The following SLC44A2 variants were observed in gnomAD, a reference collection of about 807,000 sequenced individuals.
The protein encoded by SLC44A2 is solute carrier family 44 member 2 (CTL2 blood group), also known as choline transporter-like protein 2.
In SLC44A2, 57 loss-of-function variants were observed where a neutral mutation model predicts 90.8. The observed-to-expected ratio is 0.63, with a 90% CI of 0.51 to 0.78. SLC44A2 has a LOEUF of 0.78. SLC44A2 is among the 30% of genes least tolerant of loss of function. The probability of loss-of-function intolerance (pLI) is 0.00; values close to 1 mark genes in which losing one functional copy is unlikely to be tolerated. For synonymous variants in SLC44A2, 355 were observed against 360.7 expected (o/e 0.98, Z 0.18); for missense variants, 794 against 919.7 (o/e 0.86, Z 1.77).
chr19:10,631,199 T>C (rs372446297), intron 5 of SLC44A2, 58 bp downstream of exon 5: 28 of 1,603,954 alleles, frequency 1.7e-5, no homozygotes, highest in African/African-American at 4.0e-5. Context: ...CTTTTCCCCC[T>C]GTGAATGTGG....
At chr19:10,619,532 A>G (rs535857759) in intron 1 of SLC44A2, among the ~76,000 whole-genome samples, 2 of 151,474 alleles carry the variant, frequency 1.3e-5, no homozygotes, top group East Asian at 3.9e-4. Context: ...ATATTTTTGT[A>G]GAGACGAGGT....
chr19:10,631,910 CATATTTG>C lies in SLC44A2; in HGVS notation c.671_677del (p.Ile224LysfsTer12). 1.2e-6 allele frequency: 2 copies of C among 1,614,238 alleles called. No individual in the cohort carries two copies. The highest frequency in any genetic ancestry group is 8.5e-7 in the Non-Finnish European group (1 of 1,180,040). On this transcript the variant is annotated frameshift_variant, in exon 9 of 22. Transcript: ENST00000335757. LOFTEE classifies it high-confidence loss of function. ...TAGAGGCGCGGCAACTCGCCATGCG[CATATTTG>C]AAGATTACACCGTCTCTTGGTACTG...
chr19:10,606,663 G>A (rs1315017152), intron 1 of SLC44A2, among the ~76,000 whole-genome samples: 2 of 151,336 alleles, frequency 1.3e-5, no homozygotes. Context: ...ATACAAAAAT[G>A]TTCTTGGAAT....
rs375469547 is a variant in SLC44A2 at position 10,642,362 on chromosome 19, C to T, written c.1930-5C>T. On this transcript the variant is annotated splice_polypyrimidine_tract_variant and splice_region_variant and intron_variant, in intron 20 of 21. Coordinates refer to ENST00000335757, the MANE Select transcript of SLC44A2 (RefSeq NM_020428.4). Reference sequence around the variant, plus strand: ...AGCAGGGACAGCTCGTTTCTCCTTGCCCAGACGGTGATCGTTGGCTCCTAC... The same window carrying T: ...AGCAGGGACAGCTCGTTTCTCCTTGTCCAGACGGTGATCGTTGGCTCCTAC... The T allele has an allele frequency of 3.3e-4, 540 of 1,613,770 alleles. No individual in the cohort carries two copies. The highest frequency in any genetic ancestry group is 4.3e-4 in the Non-Finnish European group (509 of 1,179,884).
chr19:10,641,002 G>A (rs900559999), intron 20 of SLC44A2: 101 of 350,312 alleles, frequency 2.9e-4, no homozygotes, highest in Non-Finnish European at 1.8e-4. Flanking sequence ...TAAGAGAATC[G>A]CTTGAACCCG....
upstream of SLC44A2, among the ~76,000 whole-genome samples, chr19:10,621,276 C>T (rs557640193): frequency 1.3e-5 from 2 of 151,550 alleles, no homozygotes; most frequent in East Asian, 1.9e-4. Context: ...TACTTGAACC[C>T]GGGAGGTGGA....
Position 10,634,828 on chromosome 19 carries a change from T to C in SLC44A2, c.896T>C (p.Leu299Pro), listed in dbSNP as rs1052859979. The C allele has an allele frequency of 6.2e-7, 1 of 1,614,164 alleles. No homozygotes were observed. Among genetic ancestry groups the C allele is most frequent in the Non-Finnish European group, 8.5e-7 (1 of 1,180,036 alleles). ...GGCTCTGATGTCTCTTTGGTGGACC[T>C]CGGCTTTCAGACGGATTTCCGGGTG... is the stretch of plus-strand genomic sequence containing the variant. Reference protein sequence around the residue: ...EAGSDVSLVDLGFQTDFRVYL... With the variant: ...EAGSDVSLVDPGFQTDFRVYL... Residue 299 changes from leucine (L) to proline (P), a missense_variant, in exon 11 of 22, where the codon CTC becomes CCC. This residue lies in a region of SLC44A2 where 738 missense variants were observed against 841.1 expected (regional missense o/e 0.88). Transcript: ENST00000335757.
intron 1 of SLC44A2, among the ~76,000 whole-genome samples, chr19:10,604,715 G>A (rs943531701): frequency 6.6e-6 from 1 of 152,140 alleles, no homozygotes; most frequent in Non-Finnish European, 1.5e-5. Context: ...ACACTCACTG[G>A]TGGGGGAAGA....
At chr19:10,612,467 T>C (rs1259024334) in intron 1 of SLC44A2, among the ~76,000 whole-genome samples, 1 of 152,216 alleles carries the variant, frequency 6.6e-6, no homozygotes, top group East Asian at 1.9e-4. Context: ...CTCTATCTTT[T>C]GCCCTTAACC....
In SLC44A2 at chr19:10,609,425, G is replaced by A. The variant is rs376487456; in HGVS notation, c.31+6864G>A. Among the ~76,000 whole-genome samples, 228 of 151,670 alleles carry A rather than the reference G, an allele frequency of 1.5e-3. 2 individuals are homozygous for A. The highest frequency in any genetic ancestry group is 5.4e-3 in the African/African-American group (222 of 41,334). ...AGTGATTCTCCTGCCTCAGGCTCCT[G>A]AGTAGCTGGGATTACAGGTGCACCT... On this transcript the variant is annotated intron_variant, in intron 1 of 21. Transcript: ENST00000407327.
At chr19:10,619,341 G>T (rs2066880425) in intron 1 of SLC44A2, among the ~76,000 whole-genome samples, 1 of 150,972 alleles carries the variant, frequency 6.6e-6, no homozygotes, top group Non-Finnish European at 1.5e-5. Context: ...TGAGGGAGAT[G>T]GGCTTGAGCT....
intron 1 of SLC44A2, among the ~76,000 whole-genome samples, chr19:10,615,467 G>A (rs922963744): frequency 5.3e-5 from 8 of 151,896 alleles, no homozygotes; most frequent in Non-Finnish European, 7.4e-5. Context: ...CCCGCTACTC[G>A]GGAGGCTGAG....
chr19:10,641,269 C>A, intron 20 of SLC44A2: 1 of 371,090 alleles, frequency 2.7e-6, no homozygotes, highest in Non-Finnish European at 5.3e-6. Context: ...TGGAACATGC[C>A]TGTAGTCCCA....
chr19:10,603,547 C>T (rs1232323730), intron 1 of SLC44A2, among the ~76,000 whole-genome samples: 1 of 152,230 alleles, frequency 6.6e-6, no homozygotes, highest in Non-Finnish European at 1.5e-5. Flanking sequence ...AGAGCTGTGC[C>T]TCCCTGCCCC....
intron 2 of SLC44A2, 26 bp downstream of exon 2, chr19:10,626,327 T>A (rs2066933544): frequency 1.9e-6 from 3 of 1,555,142 alleles, no homozygotes; most frequent in Admixed American, 1.7e-5. Flanking sequence ...TTTGGGGGGT[T>A]CTCCCCGCTA....
chr19:10,619,949 C>T (rs909705338), intron 1 of SLC44A2, among the ~76,000 whole-genome samples: 5 of 151,362 alleles, frequency 3.3e-5, no homozygotes, highest in African/African-American at 4.9e-5. Flanking sequence ...AGCGAGACTC[C>T]GTCTCAAAAA....
chr19:10,625,481 G>A (rs909264311), upstream of SLC44A2: 10 of 1,218,994 alleles, frequency 8.2e-6, no homozygotes, highest in Non-Finnish European at 9.2e-6. Flanking sequence ...TGCCCAGCTC[G>A]GGCCGGTCTG....
intron 20 of SLC44A2, among the ~76,000 whole-genome samples, chr19:10,641,981 G>A (rs538427365): frequency 2.0e-5 from 3 of 151,954 alleles, no homozygotes; most frequent in South Asian, 2.1e-4. Flanking sequence ...CCAACATGGT[G>A]AAACCCCGTC....
intron 10 of SLC44A2, 66 bp downstream of exon 10, chr19:10,632,222 G>T (rs1408123984): frequency 2.1e-6 from 3 of 1,439,952 alleles, no homozygotes; most frequent in South Asian, 2.3e-5. Context: ...CTTTCCCGTG[G>T]AAATGGCCCA....
Sources: gnomAD v4.1 joint callset for allele counts (sites outside exome capture counted in the v4.1 genomes callset) on GRCh38, gnomAD v4.1.1 for gene constraint, gnomAD v4.1.1 regional missense constraint, MANE v1.5 for transcripts, NCBI Gene and HGNC (gene_info 2026-07-23, HGNC 2026-07-21) for gene names.